TSPAN18: variants seen among roughly 807,000 people sequenced by gnomAD.
TSPAN18 encodes the protein tetraspanin-18.
A neutral mutation model predicts 27.3 loss-of-function variants in TSPAN18; 14 were observed. The ratio of observed to expected loss-of-function variants is 0.51; its 90% CI spans 0.34 to 0.80. The LOEUF is 0.80. Among genes scored for constraint, TSPAN18 ranks in the 30% least tolerant of loss-of-function variants. The probability of loss-of-function intolerance (pLI) is 0.01; values close to 1 mark genes in which losing one functional copy is unlikely to be tolerated. For missense variants in TSPAN18, 268 were observed against 323.9 expected (o/e 0.83, Z 1.32); for synonymous variants, 143 against 136.5 (o/e 1.05, Z -0.33).
intron 2 of TSPAN18, among the ~76,000 whole-genome samples, chr11:44,782,646 A>G (rs1855965868): frequency 6.6e-6 from 1 of 152,040 alleles, no homozygotes; most frequent in Non-Finnish European, 1.5e-5. Flanking sequence ...CTAGAGTTCC[A>G]GTTTCTCCAC....
chr11:44,908,778 A>AGGAAAG lies in TSPAN18; in HGVS notation c.64-926_64-925insGAAAGG, dbSNP rs765981790. Among the ~76,000 whole-genome samples, 944 of 112,432 alleles carry AGGAAAG rather than the reference A, an allele frequency of 8.4e-3. 53 individuals carry two copies. The highest frequency in any genetic ancestry group is 0.016 in the South Asian group (49 of 3,134). 73.8% of individuals were successfully genotyped at this position (112,432 alleles called of 152,430 possible). On this transcript the variant is annotated intron_variant, in intron 4 of 9. Transcript: ENST00000520358. The stretch of plus-strand genomic sequence containing the variant: ...AGAGAGAGAGAGAAAGGAGAAAGAA[A>AGGAAAG]GAAAGAAAGAAAGAAAGAAAGAAAG...
chr11:44,905,189 CA>C (rs1859409525), intron 3 of TSPAN18, among the ~76,000 whole-genome samples: 1 of 152,138 alleles, frequency 6.6e-6, no homozygotes, highest in African/African-American at 2.4e-5. Context: ...TCAGACTTAG[CA>C]ACCTTATTTT....
At chr11:44,862,993 G>A (rs1224500397) in intron 3 of TSPAN18, among the ~76,000 whole-genome samples, 3 of 152,248 alleles carry the variant, frequency 2.0e-5, no homozygotes, top group Non-Finnish European at 2.9e-5. Flanking sequence ...CCAGGCATTC[G>A]TCATTCATTC....
chr11:44,907,420 C>T (rs1241039105), intron 4 of TSPAN18, among the ~76,000 whole-genome samples: 1 of 152,184 alleles, frequency 6.6e-6, no homozygotes, highest in Non-Finnish European at 1.5e-5. Context: ...CAGGACTGAC[C>T]GTCTGTCTCT....
chr11:44,746,009 A>G (rs1855066426), intron 1 of TSPAN18, among the ~76,000 whole-genome samples: 1 of 152,240 alleles, frequency 6.6e-6, no homozygotes, highest in African/African-American at 2.4e-5. Flanking sequence ...CCTGGGCGAC[A>G]GAGCGAGAGT....
intron 4 of TSPAN18, among the ~76,000 whole-genome samples, chr11:44,908,764 G>GAC (rs1386910656): frequency 1.2e-4 from 2 of 16,718 alleles, no homozygotes; most frequent in Non-Finnish European, 2.4e-4. Flanking sequence ...GAGAGAGAGA[G>GAC]AAAGGAGAAA....
At chr11:44,862,831 G>C (rs773423686) in intron 3 of TSPAN18, among the ~76,000 whole-genome samples, 1 of 152,226 alleles carries the variant, frequency 6.6e-6, no homozygotes, top group Admixed American at 6.5e-5. Context: ...ATAGCAGAAT[G>C]ACTTGGTTCT....
At chr11:44,774,910 C>T (rs899409524) in intron 2 of TSPAN18, among the ~76,000 whole-genome samples, 2 of 152,244 alleles carry the variant, frequency 1.3e-5, no homozygotes, top group Non-Finnish European at 2.9e-5. Flanking sequence ...GAGCCTCCTT[C>T]GTTTCCTGCT....
intron 2 of TSPAN18, among the ~76,000 whole-genome samples, chr11:44,769,984 C>T (rs1267771876): frequency 6.6e-6 from 1 of 152,196 alleles, no homozygotes; most frequent in Admixed American, 6.5e-5. Context: ...TCAATTTTTA[C>T]ATCTGCGGAA....
At chr11:44,771,881 G>C (rs187530497) in intron 2 of TSPAN18, among the ~76,000 whole-genome samples, 3 of 152,206 alleles carry the variant, frequency 2.0e-5, no homozygotes, top group African/African-American at 7.2e-5. Context: ...GGATACCTCC[G>C]TGGATTCTAA....
intron 1 of TSPAN18, among the ~76,000 whole-genome samples, chr11:44,758,978 G>A (rs1855391850): frequency 6.6e-6 from 1 of 152,166 alleles, no homozygotes; most frequent in East Asian, 1.9e-4. Flanking sequence ...CCATTCACAG[G>A]AACCATCCAA....
At chr11:44,839,987 C>T (rs547053032) in intron 2 of TSPAN18, among the ~76,000 whole-genome samples, 1 of 152,274 alleles carries the variant, frequency 6.6e-6, no homozygotes, top group Admixed American at 6.5e-5. Flanking sequence ...GTGATGGGAC[C>T]CATGGCCAAG....
At chr11:44,779,478 A>G (rs1168647688) in intron 2 of TSPAN18, among the ~76,000 whole-genome samples, 1 of 152,174 alleles carries the variant, frequency 6.6e-6, no homozygotes, top group Non-Finnish European at 1.5e-5. Context: ...TGGGATCAGT[A>G]GCGTCCTAGG....
At chr11:44,757,274 A>T (rs891219694) in intron 1 of TSPAN18, among the ~76,000 whole-genome samples, 5 of 150,746 alleles carry the variant, frequency 3.3e-5, no homozygotes, top group African/African-American at 9.7e-5. Context: ...TTTATTTTTT[A>T]TTTTTTTTTA....
intron 2 of TSPAN18, among the ~76,000 whole-genome samples, chr11:44,778,085 G>A (rs375103855): frequency 6.6e-6 from 1 of 152,106 alleles, no homozygotes; most frequent in East Asian, 1.9e-4. Flanking sequence ...TAGTCTTCTG[G>A]TGTGGTTAGA....
In TSPAN18 at chr11:44,803,344, G is replaced by A. The variant is rs114920123; in HGVS notation, c.-153+38832G>A. ...AGATGTGGGAAAGCATGGGTTGGGG[G>A]GGCATTTTTTCAGCAAAGAAGGTAT... is the stretch of plus-strand genomic sequence containing the variant. On this transcript the variant is annotated intron_variant, in intron 2 of 9. Transcript: ENST00000520358. 8.7e-3 allele frequency among the ~76,000 whole-genome samples: 1,325 copies of A among 152,232 alleles called. 16 individuals are homozygous for A. Among genetic ancestry groups the A allele is most frequent in the African/African-American group, 0.03 (1,252 of 41,526 alleles).
At chr11:44,755,992 G>T (rs1179722482) in intron 1 of TSPAN18, among the ~76,000 whole-genome samples, 2 of 152,056 alleles carry the variant, frequency 1.3e-5, no homozygotes, top group Admixed American at 1.3e-4. Flanking sequence ...GAGAGATGGA[G>T]GAGGGAAGAG....
intron 2 of TSPAN18, among the ~76,000 whole-genome samples, chr11:44,833,113 G>T (rs2135148008): frequency 6.7e-6 from 1 of 150,374 alleles, no homozygotes; most frequent in Non-Finnish European, 1.5e-5. Context: ...GGGCTCCAAA[G>T]CCTGTGGTCT....
chr11:44,811,740 G>T (rs967400743), intron 2 of TSPAN18, among the ~76,000 whole-genome samples: 2 of 152,198 alleles, frequency 1.3e-5, no homozygotes, highest in Non-Finnish European at 2.9e-5. Context: ...GAGATTACAG[G>T]CATGAGCCAC....
Sources: gnomAD v4.1 joint callset for allele counts (sites outside exome capture counted in the v4.1 genomes callset) on GRCh38, gnomAD v4.1.1 for gene constraint, MANE v1.5 for transcripts, NCBI Gene and HGNC (gene_info 2026-07-23, HGNC 2026-07-21) for gene names.